The following PBX3 variants were observed in gnomAD, a reference collection of about 807,000 sequenced individuals.
PBX3 encodes PBX homeobox 3.
PBX3 carries 14 observed loss-of-function variants against 48.5 expected under a neutral mutation model. The observed-to-expected ratio is 0.29, with a 90% confidence interval of 0.19 to 0.45. The LOEUF (loss-of-function observed/expected upper bound fraction) is 0.45, where lower values mean the gene tolerates loss of function less well. Ranked by LOEUF, PBX3 falls within the 20% of genes least tolerant of loss-of-function variation. The probability of loss-of-function intolerance (pLI) is 1.00; values close to 1 mark genes in which losing one functional copy is unlikely to be tolerated. For synonymous variants in PBX3, 210 were observed against 200.3 expected, an observed-to-expected ratio of 1.05 and a Z score of -0.41; for missense variants, 386 against 546.7, an observed-to-expected ratio of 0.71 and a Z score of 2.93.
At chr9:125,908,166 AG>A (rs1841119764) in intron 2 of PBX3, among the ~76,000 whole-genome samples, 1 of 152,164 alleles carries the variant, frequency 6.6e-6, no homozygotes, top group Admixed American at 6.5e-5. Context: ...GCTTTTTGGC[AG>A]AAACATCTTG....
intron 2 of PBX3, chr9:125,843,710 T>G (rs1415933488): frequency 2.3e-6 from 1 of 431,656 alleles, no homozygotes; most frequent in Non-Finnish European, 4.7e-6. Flanking sequence ...CTGTTATGCT[T>G]TTAGTAGTCA....
At chr9:125,881,801 T>C (rs1457251467) in intron 2 of PBX3, among the ~76,000 whole-genome samples, 1 of 152,002 alleles carries the variant, frequency 6.6e-6, no homozygotes, top group Non-Finnish European at 1.5e-5. Context: ...AGTCTAGACT[T>C]ACAAATCCTT....
chr9:125,788,575 C>G (rs10121853), intron 2 of PBX3, among the ~76,000 whole-genome samples: 1 of 152,030 alleles, frequency 6.6e-6, no homozygotes, highest in African/African-American at 2.4e-5. Flanking sequence ...ACAGATGTAA[C>G]TGAAAGCTTG....
intron 2 of PBX3, among the ~76,000 whole-genome samples, chr9:125,810,859 A>G (rs1280058912): frequency 6.6e-6 from 1 of 152,114 alleles, no homozygotes; most frequent in African/African-American, 2.4e-5. Flanking sequence ...GGGGGTGGCA[A>G]ATGGTAGAAA....
intron 2 of PBX3, among the ~76,000 whole-genome samples, chr9:125,905,158 G>A (rs1448310377): frequency 2.0e-5 from 3 of 151,754 alleles, no homozygotes; most frequent in Non-Finnish European, 4.4e-5. Flanking sequence ...TTTACACATT[G>A]CCCTCTAAGT....
At chr9:125,955,389 T>C (rs1842283690) in intron 5 of PBX3, among the ~76,000 whole-genome samples, 1 of 152,162 alleles carries the variant, frequency 6.6e-6, no homozygotes, top group Admixed American at 6.5e-5. Context: ...CCAACAGAAA[T>C]GTTCTCTCAG....
At chr9:125,899,625 T>A (rs2132418121) in intron 2 of PBX3, among the ~76,000 whole-genome samples, 1 of 151,132 alleles carries the variant, frequency 6.6e-6, no homozygotes, top group East Asian at 1.9e-4. Context: ...TTTCAGTACC[T>A]CAGTTGGCAG....
chr9:125,870,703 T>C (rs1352568715), intron 2 of PBX3, among the ~76,000 whole-genome samples: 1 of 152,202 alleles, frequency 6.6e-6, no homozygotes, highest in African/African-American at 2.4e-5. Context: ...AAGAACAAGA[T>C]AACTTAAATC....
At chr9:125,778,458 C>T (rs762967559) in intron 2 of PBX3, among the ~76,000 whole-genome samples, 21 of 151,876 alleles carry the variant, frequency 1.4e-4, no homozygotes, top group Non-Finnish European at 2.6e-4. Flanking sequence ...AGAGTTTCAC[C>T]ATCTTGACCA....
intron 2 of PBX3, among the ~76,000 whole-genome samples, chr9:125,857,046 C>T (rs1839742275): frequency 6.6e-6 from 1 of 152,140 alleles, no homozygotes; most frequent in South Asian, 2.1e-4. Flanking sequence ...GCTTTATCTT[C>T]ATTCAGAAAT....
chr9:125,964,266 G>T (rs1347045455), intron 8 of PBX3, among the ~76,000 whole-genome samples: 1 of 152,122 alleles, frequency 6.6e-6, no homozygotes, highest in Non-Finnish European at 1.5e-5. Context: ...TGCCATGCTG[G>T]GTAAAAATAT....
In PBX3 at chr9:125,966,878, AT is replaced by A. The variant is rs1842544938; in HGVS notation, c.*956del. 1 of 152,574 alleles carries A rather than the reference AT, an allele frequency of 6.6e-6. No homozygotes were observed. Among genetic ancestry groups the A allele is most frequent in the Non-Finnish European group, 1.5e-5 (1 of 68,012 alleles). 9.5% of individuals were successfully genotyped at this position (152,574 alleles called of 1,614,324 possible). ...TCACGCTGTAGTTTGTCTCTTTCTT[AT>A]CTTTTTGCATCTTGTAATTAACTCT... On this transcript the variant is annotated 3_prime_UTR_variant, in exon 9 of 9. Coordinates refer to ENST00000373489, the MANE Select transcript of PBX3 (RefSeq NM_006195.6).
At chr9:125,898,708 CTCTAG>C (rs1840834884) in intron 2 of PBX3, among the ~76,000 whole-genome samples, 1 of 151,760 alleles carries the variant, frequency 6.6e-6, no homozygotes, top group Non-Finnish European at 1.5e-5. Context: ...AATGCTGAAC[CTCTAG>C]TCTAGTCCTC....
intron 3 of PBX3, among the ~76,000 whole-genome samples, chr9:125,928,510 G>T (rs1841638160): frequency 6.7e-6 from 1 of 150,310 alleles, no homozygotes; most frequent in Admixed American, 6.6e-5. Flanking sequence ...TTGTTGCCCA[G>T]GCTGGAGTGC....
At chr9:125,936,169 A>G (rs1366780881) in intron 5 of PBX3, among the ~76,000 whole-genome samples, 2 of 152,128 alleles carry the variant, frequency 1.3e-5, no homozygotes, top group Admixed American at 1.3e-4. Flanking sequence ...AAAAATGTTT[A>G]TTTATAATAA....
chr9:125,775,134 T>G (rs892521383), intron 2 of PBX3, among the ~76,000 whole-genome samples: 7 of 152,192 alleles, frequency 4.6e-5, no homozygotes, highest in Non-Finnish European at 1.0e-4. Flanking sequence ...CCCAAAGTGG[T>G]GGGATTACAG....
At chr9:125,756,129 C>T (rs1021625793) in intron 2 of PBX3, among the ~76,000 whole-genome samples, 1 of 152,084 alleles carries the variant, frequency 6.6e-6, no homozygotes, top group Non-Finnish European at 1.5e-5. Context: ...TGACTTGAAT[C>T]CATAAAAGCT....
At chr9:125,799,823 C>T (rs1261945686) in intron 2 of PBX3, among the ~76,000 whole-genome samples, 3 of 152,170 alleles carry the variant, frequency 2.0e-5, no homozygotes, top group Non-Finnish European at 4.4e-5. Context: ...ATCCACAGAA[C>T]TGAGTTTTCA....
chr9:125,919,298 C>G (rs1009893686), intron 3 of PBX3, among the ~76,000 whole-genome samples: 1 of 151,632 alleles, frequency 6.6e-6, no homozygotes, highest in Admixed American at 6.6e-5. Flanking sequence ...ACTGCGACCT[C>G]CGCTTCCCAG....
Sources: allele counts gnomAD v4.1 joint callset (sites outside exome capture counted in the v4.1 genomes callset), GRCh38; gene constraint gnomAD v4.1.1; transcripts MANE v1.5; gene names NCBI Gene and HGNC (gene_info 2026-07-23, HGNC 2026-07-21).